ZNF420: variants seen among roughly 807,000 people sequenced by gnomAD.
ZNF420 encodes zinc finger protein 420.
Under a neutral mutation model 44.7 loss-of-function variants are expected in ZNF420, and 31 were observed. That is an observed-to-expected ratio of 0.69 (90% CI 0.52 to 0.94). ZNF420 has a LOEUF of 0.94. Among genes scored for constraint, ZNF420 ranks in the 40% least tolerant of loss-of-function variants. The probability of loss-of-function intolerance (pLI) is 0.00; values close to 1 mark genes in which losing one functional copy is unlikely to be tolerated. For synonymous variants in ZNF420, 245 were observed against 267.4 expected (o/e 0.92, Z 0.82); for missense variants, 681 against 827.9 (o/e 0.82, Z 2.18).
In ZNF420 at chr19:37,128,554, TC is replaced by T; in HGVS notation, c.1564del (p.Gln522LysfsTer53). 1 of 1,613,418 alleles carries T rather than the reference TC, an allele frequency of 6.2e-7. No individual in the cohort carries two copies. The highest frequency in any genetic ancestry group is 8.5e-7 in the Non-Finnish European group (1 of 1,179,830). Reference protein sequence around the residue: ...FTQSSHLSQHQRLHTGEKPYV... With the variant: ...FTQSSHLSQHXRLHTGEKPYV... ...CTCAGAGTTCACATCTTTCCCAACA[TC>T]AAAGACTTCACACTGGTGAGAAACC... On this transcript the variant is annotated frameshift_variant, in exon 5 of 5. Coordinates refer to ENST00000337995, the MANE Select transcript of ZNF420 (RefSeq NM_144689.5). LOFTEE classifies it high-confidence loss of function.
chr19:37,128,810 A>G lies in ZNF420; in HGVS notation c.1819A>G (p.Arg607Gly). The change falls in exon 5 of 5, where the codon AGA becomes GGA. Residue 607 changes from arginine to glycine, a missense_variant. Arg to Gly is a moderately radical substitution (Grantham distance 125). Transcript: ENST00000337995. The stretch of plus-strand genomic sequence containing the variant: ...TGGCTCTCAGCTTACTCTACATCAG[A>G]GAATCCATACTGGTGAGAAGCCCTA... Reference protein sequence around the residue: ...SHGSQLTLHQRIHTGEKPYEC... With the variant: ...SHGSQLTLHQGIHTGEKPYEC... The G allele has an allele frequency of 6.2e-7, 1 of 1,613,978 alleles. No individual in the cohort carries two copies. The highest frequency in any genetic ancestry group is 8.5e-7 in the Non-Finnish European group (1 of 1,179,970).
At chr19:37,081,518 T>C (rs1351071534) in intron 2 of ZNF420, among the ~76,000 whole-genome samples, 4 of 151,166 alleles carry the variant, frequency 2.6e-5, no homozygotes, top group Non-Finnish European at 5.9e-5. Flanking sequence ...TTTTTTTTTT[T>C]TGAGGCAGAG....
chr19:37,036,800 C>T (rs557214111), intron 1 of ZNF420, among the ~76,000 whole-genome samples: 1 of 152,282 alleles, frequency 6.6e-6, no homozygotes, highest in Non-Finnish European at 1.5e-5. Context: ...TGAATTCCAG[C>T]CCACATTTGC....
chr19:37,042,339 T>TA (rs1295282975), intron 1 of ZNF420, among the ~76,000 whole-genome samples: 4 of 152,242 alleles, frequency 2.6e-5, no homozygotes, highest in Non-Finnish European at 5.9e-5. Context: ...GAGTAAGACT[T>TA]ACAAGTAAGA....
intron 4 of ZNF420, among the ~76,000 whole-genome samples, chr19:37,114,550 G>C (rs1970556480): frequency 1.3e-5 from 2 of 152,128 alleles, no homozygotes; most frequent in African/African-American, 4.8e-5. Context: ...AGACTCTGAT[G>C]GCCCCACTAA....
Position 37,095,604 on chromosome 19 carries a change from C to A in ZNF420, c.136+4483C>A, listed in dbSNP as rs140472978. Among the ~76,000 whole-genome samples the A allele has an allele frequency of 1.8e-4, 27 of 151,454 alleles. No homozygotes were observed. The East Asian group carries it at 5.2e-3, about 29-fold the overall frequency. On this transcript the variant is annotated intron_variant, in intron 4 of 4. Transcript: ENST00000337995. ...TGGTTTTATTTTTTTCTTTTCTTTT[C>A]TTTTCTTTTTTGAGATGGGGTCTCA...
At position 37,089,078 on chromosome 19, in the gene ZNF420, A is replaced by G. The variant is rs779946864; in HGVS notation, c.-41A>G. ...GACTCTGTGCTTTCCTAAGATAGGAACCCAGAAGAGGACTGATCATTTCTT... is the reference window on the plus strand; with the variant it reads ...GACTCTGTGCTTTCCTAAGATAGGAGCCCAGAAGAGGACTGATCATTTCTT... On this transcript the variant is annotated 5_prime_UTR_variant, in exon 3 of 5. Transcript: ENST00000337995. 3 of 1,606,106 alleles carry G rather than the reference A, an allele frequency of 1.9e-6. No individual in the cohort carries two copies. Among genetic ancestry groups the G allele is most frequent in the Non-Finnish European group, 2.6e-6 (3 of 1,172,700 alleles).
chr19:37,126,502 C>T (rs1235177171), intron 4 of ZNF420, among the ~76,000 whole-genome samples: 5 of 152,066 alleles, frequency 3.3e-5, no homozygotes, highest in Non-Finnish European at 5.9e-5. Context: ...ATGGAAGCTA[C>T]TAAAAAGTAT....
chr19:37,126,976 G>T, intron 4 of ZNF420, 152 bp from the exon 5 acceptor site: 2 of 522,344 alleles, frequency 3.8e-6, no homozygotes, highest in East Asian at 3.2e-5. Flanking sequence ...AGTAGGTTGT[G>T]ATGTGAAAGG....
chr19:37,072,789 ATT>A (rs1294282130), intron 1 of ZNF420, among the ~76,000 whole-genome samples: 2 of 152,240 alleles, frequency 1.3e-5, no homozygotes, highest in African/African-American at 2.4e-5. Flanking sequence ...AATACATCAT[ATT>A]AACAAATTTT....
At chr19:37,013,888 T>A (rs895259352) in intron 1 of ZNF420, among the ~76,000 whole-genome samples, 8 of 152,216 alleles carry the variant, frequency 5.3e-5, no homozygotes, top group Non-Finnish European at 1.0e-4. Flanking sequence ...CACGTGGCAC[T>A]GGCGTCCCCT....
chr19:37,065,865 A>C (rs1568435378), intron 1 of ZNF420, among the ~76,000 whole-genome samples: 2 of 152,232 alleles, frequency 1.3e-5, no homozygotes, highest in African/African-American at 2.4e-5. Context: ...TTTTCAATAA[A>C]TGGCACTAGA....
chr19:37,073,649 G>A (rs1268442256), upstream of ZNF420, among the ~76,000 whole-genome samples: 3 of 151,488 alleles, frequency 2.0e-5, no homozygotes, highest in African/African-American at 7.3e-5. Flanking sequence ...GCTGAGACAG[G>A]AGAACTGCCT....
intron 1 of ZNF420, among the ~76,000 whole-genome samples, chr19:37,073,304 A>G (rs1352585064): frequency 6.6e-6 from 1 of 152,252 alleles, no homozygotes; most frequent in Non-Finnish European, 1.5e-5. Context: ...TTGGATGCAT[A>G]ACATTCTGCT....
intron 4 of ZNF420, among the ~76,000 whole-genome samples, chr19:37,123,538 C>T (rs1358296088): frequency 6.6e-6 from 1 of 151,074 alleles, no homozygotes; most frequent in Non-Finnish European, 1.5e-5. Flanking sequence ...TTCACCTCTC[C>T]AGTTTCTGGC....
intron 1 of ZNF420, among the ~76,000 whole-genome samples, chr19:37,071,826 A>T (rs191768884): frequency 6.6e-6 from 1 of 152,200 alleles, no homozygotes; most frequent in Admixed American, 6.5e-5. Context: ...TTCTTTCTTA[A>T]AAAAGGTAGT....
At chr19:37,118,707 G>C (rs1405770516) in intron 4 of ZNF420, among the ~76,000 whole-genome samples, 2 of 151,764 alleles carry the variant, frequency 1.3e-5, no homozygotes, top group Non-Finnish European at 1.5e-5. Flanking sequence ...CCATCAGTGT[G>C]CTGTATTCAG....
chr19:37,053,946 C>T (rs985154069), intron 1 of ZNF420, among the ~76,000 whole-genome samples: 1 of 152,226 alleles, frequency 6.6e-6, no homozygotes, highest in East Asian at 1.9e-4. Flanking sequence ...TGGCTATTCC[C>T]TGCGTCCAGA....
intron 1 of ZNF420, among the ~76,000 whole-genome samples, chr19:37,064,854 G>A (rs1187140859): frequency 6.6e-6 from 1 of 152,302 alleles, no homozygotes; most frequent in African/African-American, 2.4e-5. Flanking sequence ...ACACCAGGTC[G>A]TGGGGGTGAC....
Sources: allele counts gnomAD v4.1 joint callset (sites outside exome capture counted in the v4.1 genomes callset), GRCh38; gene constraint gnomAD v4.1.1; transcripts MANE v1.5; gene names NCBI Gene and HGNC (gene_info 2026-07-23, HGNC 2026-07-21).